CADM2: variants seen among roughly 807,000 people sequenced by gnomAD.
CADM2 encodes cell adhesion molecule 2, also known as immunoglobulin superfamily member 4D.
Under a neutral mutation model 49.8 loss-of-function variants are expected in CADM2, and 12 were observed. The ratio of observed to expected loss-of-function variants is 0.24; its 90% CI spans 0.15 to 0.39. The LOEUF is 0.39. Among genes scored for constraint, CADM2 ranks in the 10% least tolerant of loss-of-function variants. The pLI is 1.00. For synonymous variants in CADM2, 214 were observed against 175.4 expected (o/e 1.22, Z -1.74); for missense variants, 378 against 492.3 (o/e 0.77, Z 2.20).
chr3:85,084,683 T>A (rs943866725), intron 1 of CADM2, among the ~76,000 whole-genome samples: 10 of 152,172 alleles, frequency 6.6e-5, no homozygotes, highest in African/African-American at 2.4e-4. Context: ...CTGTTTCTTT[T>A]TAATGTTTAG....
intron 3 of CADM2, among the ~76,000 whole-genome samples, chr3:85,861,778 A>C (rs901795309): frequency 6.6e-5 from 10 of 152,140 alleles, no homozygotes; most frequent in Non-Finnish European, 1.2e-4. Flanking sequence ...CATCCAAATT[A>C]AAATATATGG....
chr3:85,278,764 GTAGT>G (rs2043422587), intron 1 of CADM2, among the ~76,000 whole-genome samples: 1 of 146,686 alleles, frequency 6.8e-6, no homozygotes, highest in Admixed American at 6.9e-5. Context: ...GTGTGTGTTG[GTAGT>G]TTTAGGGAAA....
At chr3:85,063,806 A>G (rs2036424070) in intron 1 of CADM2, among the ~76,000 whole-genome samples, 3 of 152,056 alleles carry the variant, frequency 2.0e-5, no homozygotes, top group African/African-American at 7.2e-5. Flanking sequence ...TAAAATAAAT[A>G]CTGGGGGTAT....
chr3:85,513,387 G>A (rs564426575), intron 1 of CADM2, among the ~76,000 whole-genome samples: 4 of 151,896 alleles, frequency 2.6e-5, no homozygotes, highest in Admixed American at 6.6e-5. Flanking sequence ...AAGACCCATC[G>A]TCATTCATTT....
At chr3:85,347,687 G>A (rs921997075) in intron 1 of CADM2, among the ~76,000 whole-genome samples, 1 of 149,056 alleles carries the variant, frequency 6.7e-6, no homozygotes, top group Admixed American at 6.7e-5. Flanking sequence ...TGTCACCTAG[G>A]CTGGAGTGCA....
intron 1 of CADM2, among the ~76,000 whole-genome samples, chr3:85,717,011 A>G (rs140223558): frequency 0.012 from 1,817 of 152,260 alleles, 43 homozygotes; most frequent in African/African-American, 0.042. Flanking sequence ...AATTTAAAGT[A>G]GTTTTTTATA....
At chr3:85,398,987 C>G (rs996440699) in intron 1 of CADM2, among the ~76,000 whole-genome samples, 5 of 152,046 alleles carry the variant, frequency 3.3e-5, no homozygotes, top group Non-Finnish European at 7.4e-5. Flanking sequence ...CTTTTGCTGG[C>G]CAGAAGCTCT....
chr3:85,917,942 A>C (rs1281233401), intron 6 of CADM2, among the ~76,000 whole-genome samples: 1 of 152,146 alleles, frequency 6.6e-6, no homozygotes, highest in African/African-American at 2.4e-5. Context: ...TGTGAATTGG[A>C]GTTCACTCAT....
chr3:85,016,441 T>C (rs1293039756), intron 1 of CADM2, among the ~76,000 whole-genome samples: 6 of 152,210 alleles, frequency 3.9e-5, no homozygotes, highest in Admixed American at 3.3e-4. Flanking sequence ...TAGAATTTAG[T>C]AGACCTATAC....
At chr3:85,002,707 C>T (rs562209954) in intron 1 of CADM2, among the ~76,000 whole-genome samples, 53 of 152,120 alleles carry the variant, frequency 3.5e-4, no homozygotes, top group Admixed American at 1.6e-3. Flanking sequence ...TTACCATCTC[C>T]ACAGACAAAC....
intron 1 of CADM2, among the ~76,000 whole-genome samples, chr3:85,332,948 A>G (rs959298421): frequency 1.3e-5 from 2 of 152,038 alleles, no homozygotes; most frequent in Non-Finnish European, 1.5e-5. Flanking sequence ...TGGTCCCACC[A>G]TACACATTCA....
In CADM2 at chr3:85,662,678, T is replaced by A. The variant is rs185634240; in HGVS notation, c.62-63844T>A. Among the ~76,000 whole-genome samples the A allele has an allele frequency of 6.6e-5, 10 of 152,208 alleles. No homozygotes were observed. The East Asian group carries it at 1.9e-3, about 29-fold the overall frequency. Reference sequence around the variant, plus strand: ...ACTTTGCATTTATTCTTCAAGAATATGCCTAACCATCTTACCATCTGGGAA... The same window carrying A: ...ACTTTGCATTTATTCTTCAAGAATAAGCCTAACCATCTTACCATCTGGGAA... On this transcript the variant is annotated intron_variant, in intron 1 of 9. Coordinates refer to ENST00000383699, the MANE Select transcript of CADM2 (RefSeq NM_001167675.2).
chr3:85,519,762 G>A (rs1166808555), intron 1 of CADM2, among the ~76,000 whole-genome samples: 3 of 152,038 alleles, frequency 2.0e-5, no homozygotes, highest in Admixed American at 6.6e-5. Flanking sequence ...TAAACCCGCA[G>A]CTACATTGAT....
At chr3:85,193,822 T>C (rs112042336) in intron 1 of CADM2, among the ~76,000 whole-genome samples, 6 of 152,126 alleles carry the variant, frequency 3.9e-5, no homozygotes, top group African/African-American at 1.2e-4. Context: ...TAATGTTTCA[T>C]GCATTCAACA....
intron 1 of CADM2, among the ~76,000 whole-genome samples, chr3:85,250,273 A>G (rs528712136): frequency 1.8e-4 from 28 of 151,838 alleles, no homozygotes; most frequent in African/African-American, 6.7e-4. Flanking sequence ...TATTTGTATT[A>G]TAAGAAACTC....
intron 1 of CADM2, among the ~76,000 whole-genome samples, chr3:85,314,350 A>G (rs998680096): frequency 3.3e-5 from 5 of 151,836 alleles, no homozygotes; most frequent in African/African-American, 7.3e-5. Flanking sequence ...CACTGTTGCA[A>G]TTTTCTGTTT....
intron 1 of CADM2, among the ~76,000 whole-genome samples, chr3:85,266,525 A>G (rs1312536067): frequency 6.6e-6 from 1 of 151,746 alleles, no homozygotes; most frequent in Admixed American, 6.6e-5. Context: ...GCAATACCAG[A>G]TTAATTTATT....
At chr3:85,416,338 A>T (rs2035919528) in intron 1 of CADM2, among the ~76,000 whole-genome samples, 1 of 152,136 alleles carries the variant, frequency 6.6e-6, no homozygotes, top group South Asian at 2.1e-4. Context: ...AGACAATTAT[A>T]TTTATTTATA....
intron 8 of CADM2, among the ~76,000 whole-genome samples, chr3:86,001,861 C>T (rs1047610072): frequency 1.6e-4 from 24 of 152,034 alleles, no homozygotes; most frequent in African/African-American, 5.6e-4. Flanking sequence ...ATTTGGAAGT[C>T]ATTGCTGTAT....
Sources: allele counts gnomAD v4.1 joint callset (sites outside exome capture counted in the v4.1 genomes callset), GRCh38; gene constraint gnomAD v4.1.1; transcripts MANE v1.5; gene names NCBI Gene and HGNC (gene_info 2026-07-23, HGNC 2026-07-21).